MYO3B: variants seen among roughly 807,000 people sequenced by gnomAD.
MYO3B encodes myosin IIIB.
MYO3B carries 156 observed loss-of-function variants against 174.6 expected under a neutral mutation model. The ratio of observed to expected loss-of-function variants is 0.89; its 90% CI spans 0.78 to 1.02. The LOEUF (loss-of-function observed/expected upper bound fraction) is 1.02, where lower values mean the gene tolerates loss of function less well. Ranked by LOEUF, MYO3B falls within the 50% of genes least tolerant of loss-of-function variation. The pLI, the probability that MYO3B is intolerant of heterozygous loss-of-function variation, is 0.00. For synonymous variants in MYO3B, 563 were observed against 569.1 expected, an observed-to-expected ratio of 0.99 and a Z score of 0.15; for missense variants, 1,632 against 1,639.4, an observed-to-expected ratio of 1.00 and a Z score of 0.08.
At position 170,579,040 on chromosome 2, in the gene MYO3B, C is replaced by T. The variant is rs935811146; in HGVS notation, c.3733+35052C>T. Among the ~76,000 whole-genome samples the T allele has an allele frequency of 2.0e-5, 3 of 152,162 alleles. No individual in the cohort carries two copies. The South Asian group carries it at 6.2e-4, about 32-fold the overall frequency. Reference sequence around the variant, plus strand: ...AATTACTCAGTATGTTTGCAGTGCACATCGCCATAGAAACAACTATTCATA... The same window carrying T: ...AATTACTCAGTATGTTTGCAGTGCATATCGCCATAGAAACAACTATTCATA... On this transcript the variant is annotated intron_variant, in intron 32 of 34. Transcript: ENST00000408978.
intron 7 of MYO3B, among the ~76,000 whole-genome samples, chr2:170,262,943 T>G (rs551949982): frequency 6.6e-6 from 1 of 152,350 alleles, no homozygotes; most frequent in Non-Finnish European, 1.5e-5. Flanking sequence ...CTTTTAAATT[T>G]AAAATTAAAA....
At chr2:170,601,338 G>A (rs746479535) in intron 32 of MYO3B, among the ~76,000 whole-genome samples, 3 of 152,132 alleles carry the variant, frequency 2.0e-5, no homozygotes, top group Admixed American at 6.5e-5. Flanking sequence ...TTTGTGCTGT[G>A]CACCAACAAG....
intron 7 of MYO3B, among the ~76,000 whole-genome samples, chr2:170,272,337 A>T (rs530634697): frequency 6.6e-6 from 1 of 152,230 alleles, no homozygotes; most frequent in South Asian, 2.1e-4. Flanking sequence ...CCCTTCTGTT[A>T]CTGCCTTGGT....
chr2:170,635,375 C>T (rs1697370159), intron 32 of MYO3B, among the ~76,000 whole-genome samples: 1 of 152,104 alleles, frequency 6.6e-6, no homozygotes, highest in South Asian at 2.1e-4. Flanking sequence ...GAAAACCAAA[C>T]ACTGCGTGTT....
intron 25 of MYO3B, among the ~76,000 whole-genome samples, chr2:170,473,139 CTTT>C (rs66837903): frequency 4.1e-5 from 4 of 96,454 alleles, no homozygotes; most frequent in Non-Finnish European, 8.5e-5. Context: ...TTTTTCTTTT[CTTT>C]TTTTTTTTTT....
At chr2:170,516,225 C>T (rs1200669903) in intron 29 of MYO3B, among the ~76,000 whole-genome samples, 1 of 152,152 alleles carries the variant, frequency 6.6e-6, no homozygotes, top group East Asian at 1.9e-4. Context: ...CCTGATACTT[C>T]ACACATTTAT....
chr2:170,502,350 A>G (rs1326166533), intron 28 of MYO3B, among the ~76,000 whole-genome samples: 1 of 152,232 alleles, frequency 6.6e-6, no homozygotes, highest in Non-Finnish European at 1.5e-5. Flanking sequence ...CTCTAATTAT[A>G]TGCAAGACCT....
At chr2:170,316,869 A>C (rs2093779466) in intron 7 of MYO3B, among the ~76,000 whole-genome samples, 1 of 152,180 alleles carries the variant, frequency 6.6e-6, no homozygotes, top group African/African-American at 2.4e-5. Flanking sequence ...ATGGCTACAC[A>C]TTTGACACTG....
chr2:170,299,597 T>G (rs1253281887), intron 7 of MYO3B, among the ~76,000 whole-genome samples: 12 of 152,202 alleles, frequency 7.9e-5, no homozygotes, highest in Non-Finnish European at 1.5e-5. Flanking sequence ...ATTATTAATA[T>G]CCCCACTTTT....
chr2:170,545,215 A>C (rs1690400909), intron 32 of MYO3B, among the ~76,000 whole-genome samples: 2 of 152,214 alleles, frequency 1.3e-5, no homozygotes, highest in Non-Finnish European at 2.9e-5. Flanking sequence ...AACCATACTG[A>C]CAGGTTCTGG....
rs185157202 is a variant in MYO3B at position 170,186,870 on chromosome 2, C to T, written c.2+8581C>T. 8.5e-3 allele frequency among the ~76,000 whole-genome samples: 1,294 copies of T among 152,114 alleles called. 19 individuals are homozygous for T. Among genetic ancestry groups the T allele is most frequent in the African/African-American group, 0.03 (1,244 of 41,512 alleles). On this transcript the variant is annotated intron_variant, in intron 1 of 34. Coordinates refer to ENST00000408978, the MANE Select transcript of MYO3B (RefSeq NM_138995.5). ...TTGGTAGGTTGTATATGTCTAGGAACTTACCCATTTATTCTAGATTTTTCC... is the reference window on the plus strand; with the variant it reads ...TTGGTAGGTTGTATATGTCTAGGAATTTACCCATTTATTCTAGATTTTTCC...
chr2:170,533,428 G>C (rs562615103), intron 30 of MYO3B, among the ~76,000 whole-genome samples: 8 of 149,962 alleles, frequency 5.3e-5, no homozygotes, highest in Non-Finnish European at 1.2e-4. Context: ...GTGGGGGTGG[G>C]GGGGGGGTGT....
At chr2:170,361,303 C>G (rs2094159036) in intron 8 of MYO3B, among the ~76,000 whole-genome samples, 1 of 152,192 alleles carries the variant, frequency 6.6e-6, no homozygotes, top group Non-Finnish European at 1.5e-5. Flanking sequence ...CTGTGTTTAT[C>G]TGTGCCCTGA....
chr2:170,375,584 A>G (rs1021361168), intron 9 of MYO3B, among the ~76,000 whole-genome samples: 5 of 151,968 alleles, frequency 3.3e-5, no homozygotes, highest in African/African-American at 9.7e-5. Context: ...GATTAAAACA[A>G]TGACTTCAGC....
intron 22 of MYO3B, among the ~76,000 whole-genome samples, chr2:170,417,359 A>G (rs548672629): frequency 2.0e-5 from 3 of 152,312 alleles, no homozygotes; most frequent in Admixed American, 6.5e-5. Flanking sequence ...GCTACTGTAT[A>G]TCCTTGACCC....
intron 7 of MYO3B, among the ~76,000 whole-genome samples, chr2:170,287,840 G>C (rs929425733): frequency 1.3e-5 from 2 of 151,988 alleles, no homozygotes; most frequent in African/African-American, 4.8e-5. Context: ...TTTTCTTCTA[G>C]TAGTTTCATT....
intron 32 of MYO3B, among the ~76,000 whole-genome samples, chr2:170,588,424 G>C (rs932550072): frequency 6.6e-6 from 1 of 152,150 alleles, no homozygotes; most frequent in African/African-American, 2.4e-5. Context: ...GGGTGATAGA[G>C]CAAGACCCTG....
intron 23 of MYO3B, among the ~76,000 whole-genome samples, chr2:170,450,404 C>T (rs1290964578): frequency 6.6e-6 from 1 of 152,098 alleles, no homozygotes; most frequent in African/African-American, 2.4e-5. Context: ...TAAATAGAAT[C>T]CCAGGTCACC....
intron 25 of MYO3B, among the ~76,000 whole-genome samples, chr2:170,468,122 A>C (rs1413891020): frequency 6.6e-6 from 1 of 152,238 alleles, no homozygotes; most frequent in Non-Finnish European, 1.5e-5. Flanking sequence ...TGAGGATATC[A>C]AAGATTTCTG....
Sources: gnomAD v4.1 joint callset for allele counts (sites outside exome capture counted in the v4.1 genomes callset) on GRCh38, gnomAD v4.1.1 for gene constraint, MANE v1.5 for transcripts, NCBI Gene and HGNC (gene_info 2026-07-23, HGNC 2026-07-21) for gene names.